The following NRG3 variants were observed in gnomAD, a reference collection of about 807,000 sequenced individuals.
NRG3 encodes the protein pro-neuregulin-3, membrane-bound isoform.
NRG3 carries 31 observed loss-of-function variants against 66.9 expected under a neutral mutation model. The ratio of observed to expected loss-of-function variants is 0.46; its 90% CI spans 0.35 to 0.63. NRG3 has a LOEUF of 0.63. NRG3 is among the 20% of genes least tolerant of loss of function. NRG3 has a pLI of 0.00. For synonymous variants in NRG3, 393 were observed against 359.4 expected (o/e 1.09, Z -1.06); for missense variants, 910 against 878.9 (o/e 1.04, Z -0.45).
At chr10:82,053,403 G>A (rs11192317) in intron 1 of NRG3, among the ~76,000 whole-genome samples, 23,057 of 152,144 alleles carry the variant, frequency 0.15, 2,124 homozygotes, top group East Asian at 0.26. Context: ...TAAATTCACT[G>A]TGATCTCCAC....
At chr10:82,820,976 T>G (rs1188715564) in intron 3 of NRG3, among the ~76,000 whole-genome samples, 2 of 152,234 alleles carry the variant, frequency 1.3e-5, no homozygotes, top group Non-Finnish European at 2.9e-5. Context: ...TTTTTTTTGG[T>G]GCACATTAAA....
chr10:82,907,653 T>A (rs1009287022), intron 4 of NRG3, among the ~76,000 whole-genome samples: 8 of 152,234 alleles, frequency 5.3e-5, no homozygotes, highest in Non-Finnish European at 7.3e-5. Flanking sequence ...ATATATGTGA[T>A]GTATGTTATA....
chr10:82,431,533 A>T (rs1390649696), intron 2 of NRG3, among the ~76,000 whole-genome samples: 1 of 152,160 alleles, frequency 6.6e-6, no homozygotes, highest in Non-Finnish European at 1.5e-5. Flanking sequence ...AGATTTTGAC[A>T]ATTATTTGTC....
intron 2 of NRG3, among the ~76,000 whole-genome samples, chr10:82,560,178 A>T (rs1034640009): frequency 6.6e-6 from 1 of 151,730 alleles, no homozygotes; most frequent in Non-Finnish European, 1.5e-5. Flanking sequence ...ATCATATTTC[A>T]TGATTTATTG....
At chr10:82,572,277 G>A (rs2045781808) in intron 2 of NRG3, among the ~76,000 whole-genome samples, 1 of 151,186 alleles carries the variant, frequency 6.6e-6, no homozygotes. Flanking sequence ...TGCTAATTCT[G>A]CTATCAGGAA....
At chr10:82,887,710 T>C (rs571965637) in intron 4 of NRG3, among the ~76,000 whole-genome samples, 1 of 152,354 alleles carries the variant, frequency 6.6e-6, no homozygotes, top group East Asian at 1.9e-4. Flanking sequence ...TGCCAGGCAC[T>C]GCACAAGCTC....
chr10:81,947,439 C>T (rs1441091098), intron 1 of NRG3, among the ~76,000 whole-genome samples: 1 of 152,104 alleles, frequency 6.6e-6, no homozygotes, highest in Non-Finnish European at 1.5e-5. Flanking sequence ...AGGCTGGTGC[C>T]CAGACTGCCT....
intron 2 of NRG3, among the ~76,000 whole-genome samples, chr10:82,657,236 CCT>C (rs137870677): frequency 0.039 from 5,966 of 151,998 alleles, 405 homozygotes; most frequent in African/African-American, 0.14. Context: ...TTGTTTATCA[CCT>C]CTCTCTCTGT....
chr10:82,121,584 A>C (rs2068094006), intron 1 of NRG3, among the ~76,000 whole-genome samples: 1 of 152,088 alleles, frequency 6.6e-6, no homozygotes, highest in Non-Finnish European at 1.5e-5. Flanking sequence ...TTTGAACTTT[A>C]GATGACATGT....
Position 82,110,379 on chromosome 10 carries a change from A to G in NRG3, c.823+234216A>G, listed in dbSNP as rs145562277. On this transcript the variant is annotated intron_variant, in intron 1 of 8. Transcript: ENST00000372141. ...CAGATTGTATAAAATGTTGCCAGCCACTTCAGGATTTGAGCTTTTATGTTG... is the reference window on the plus strand; with the variant it reads ...CAGATTGTATAAAATGTTGCCAGCCGCTTCAGGATTTGAGCTTTTATGTTG... Among the ~76,000 whole-genome samples the G allele has an allele frequency of 3.8e-3, 573 of 152,280 alleles. 4 individuals carry two copies. The highest frequency in any genetic ancestry group is 0.013 in the African/African-American group (535 of 41,560).
intron 1 of NRG3, among the ~76,000 whole-genome samples, chr10:82,247,802 G>A (rs1289878754): frequency 6.6e-6 from 1 of 152,098 alleles, no homozygotes; most frequent in Non-Finnish European, 1.5e-5. Flanking sequence ...CATTGAGACT[G>A]CCCATTCAGA....
chr10:82,421,564 T>C (rs2136238995), intron 2 of NRG3, among the ~76,000 whole-genome samples: 1 of 152,256 alleles, frequency 6.6e-6, no homozygotes, highest in African/African-American at 2.4e-5. Context: ...GGCTGAATTG[T>C]TGGTTGCTGT....
intron 1 of NRG3, among the ~76,000 whole-genome samples, chr10:82,235,028 ATCCTAATTAGGC>A (rs2076687576): frequency 6.6e-6 from 1 of 152,256 alleles, no homozygotes; most frequent in African/African-American, 2.4e-5. Flanking sequence ...TGTGTGACAT[ATCCTAATTAGGC>A]TCAGTGTCTT....
chr10:82,067,762 G>T (rs1382389170), intron 1 of NRG3, among the ~76,000 whole-genome samples: 1 of 152,152 alleles, frequency 6.6e-6, no homozygotes, highest in Non-Finnish European at 1.5e-5. Context: ...ACAGAGTGGT[G>T]GAAGGGAGCC....
chr10:82,392,664 A>T (rs2086459558), intron 2 of NRG3, among the ~76,000 whole-genome samples: 1 of 152,180 alleles, frequency 6.6e-6, no homozygotes, highest in South Asian at 2.1e-4. Flanking sequence ...CACAGTGTTC[A>T]TTGCAATATC....
intron 1 of NRG3, among the ~76,000 whole-genome samples, chr10:82,295,723 T>C (rs2080023414): frequency 6.6e-6 from 1 of 152,216 alleles, no homozygotes; most frequent in African/African-American, 2.4e-5. Context: ...CCTCTGGCTT[T>C]AATGCTAAGT....
intron 2 of NRG3, among the ~76,000 whole-genome samples, chr10:82,695,424 A>G (rs531422324): frequency 4.6e-5 from 7 of 152,170 alleles, no homozygotes; most frequent in African/African-American, 1.7e-4. Flanking sequence ...CGTTAAATAT[A>G]ATAGGATCGC....
intron 4 of NRG3, among the ~76,000 whole-genome samples, chr10:82,921,013 G>C (rs1846369019): frequency 6.6e-6 from 1 of 151,798 alleles, no homozygotes. Flanking sequence ...TTAAATGTAG[G>C]CTACACATAG....
chr10:82,118,690 G>A (rs1590181334), intron 1 of NRG3, among the ~76,000 whole-genome samples: 1 of 151,876 alleles, frequency 6.6e-6, no homozygotes, highest in East Asian at 1.9e-4. Context: ...TTTTGAGGGG[G>A]GATAATGTGT....
Sources: allele counts gnomAD v4.1 joint callset (sites outside exome capture counted in the v4.1 genomes callset), GRCh38; gene constraint gnomAD v4.1.1; transcripts MANE v1.5; gene names NCBI Gene and HGNC (gene_info 2026-07-23, HGNC 2026-07-21).